Variants in KALRN observed in about 807,000 individuals in gnomAD.
KALRN encodes kalirin RhoGEF kinase.
In KALRN, 70 loss-of-function variants were observed where a neutral mutation model predicts 353.7. The ratio of observed to expected loss-of-function variants is 0.20; its 90% CI spans 0.16 to 0.24. KALRN has a LOEUF of 0.24. KALRN is among the 10% of genes least tolerant of loss of function. The pLI, the probability that KALRN is intolerant of heterozygous loss-of-function variation, is 1.00. For synonymous variants in KALRN, 1,391 were observed against 1,434.8 expected (o/e 0.97, Z 0.69); for missense variants, 2,791 against 3,756.7 (o/e 0.74, Z 6.72).
intron 9 of KALRN, among the ~76,000 whole-genome samples, chr3:124,341,650 G>C (rs941554745): frequency 6.6e-6 from 1 of 152,176 alleles, no homozygotes; most frequent in African/African-American, 2.4e-5. Flanking sequence ...TTCTGCATTA[G>C]AGGGGTCAGT....
chr3:124,631,746 C>G (rs1296406208), intron 34 of KALRN, among the ~76,000 whole-genome samples: 1 of 152,226 alleles, frequency 6.6e-6, no homozygotes, highest in Non-Finnish European at 1.5e-5. Flanking sequence ...CACTCTGGCT[C>G]AGAATCTTCC....
At chr3:124,200,139 A>C (rs919165814) in intron 1 of KALRN, among the ~76,000 whole-genome samples, 1 of 152,178 alleles carries the variant, frequency 6.6e-6, no homozygotes, top group Non-Finnish European at 1.5e-5. Flanking sequence ...TGTAATGAAA[A>C]AAGTACTGGG....
At chr3:124,701,146 C>T (rs1044485244) in intron 56 of KALRN, among the ~76,000 whole-genome samples, 6 of 152,194 alleles carry the variant, frequency 3.9e-5, no homozygotes, top group Non-Finnish European at 5.9e-5. Flanking sequence ...TATTTGTGAA[C>T]CTTGGTCCCC....
intron 11 of KALRN, among the ~76,000 whole-genome samples, chr3:124,387,348 G>C (rs1008707706): frequency 6.6e-6 from 1 of 152,214 alleles, no homozygotes; most frequent in African/African-American, 2.4e-5. Flanking sequence ...GGTGAAGAAA[G>C]AGAAAGAACT....
At chr3:124,119,685 G>A (rs969442150) in intron 1 of KALRN, among the ~76,000 whole-genome samples, 4 of 152,176 alleles carry the variant, frequency 2.6e-5, no homozygotes, top group African/African-American at 7.2e-5. Flanking sequence ...CTAGCATTGT[G>A]TCTGGAATAG....
intron 1 of KALRN, among the ~76,000 whole-genome samples, chr3:124,079,261 A>C (rs1163183707): frequency 6.6e-6 from 1 of 152,196 alleles, no homozygotes; most frequent in East Asian, 1.9e-4. Flanking sequence ...TTGATACCAG[A>C]GAGAGGAGGC....
chr3:124,082,706 G>C (rs1559918288), intron 1 of KALRN, among the ~76,000 whole-genome samples: 1 of 152,192 alleles, frequency 6.6e-6, no homozygotes. Context: ...GTTCAGAGGA[G>C]TTTACAGTGT....
chr3:124,707,731 G>T (rs1254640938), intron 57 of KALRN, among the ~76,000 whole-genome samples: 1 of 152,308 alleles, frequency 6.6e-6, no homozygotes, highest in South Asian at 2.1e-4. Context: ...ATGTGAAACT[G>T]CATGACAATG....
At chr3:124,059,649 CAG>C (rs2041842790) in intron 1 of KALRN, among the ~76,000 whole-genome samples, 1 of 152,234 alleles carries the variant, frequency 6.6e-6, no homozygotes, top group African/African-American at 2.4e-5. Context: ...CACAGCTTCT[CAG>C]AGGCTGGACT....
intron 32 of KALRN, among the ~76,000 whole-genome samples, chr3:124,493,737 AGCAGCAT>A (rs1322920293): frequency 6.6e-6 from 1 of 152,204 alleles, no homozygotes; most frequent in East Asian, 1.9e-4. Context: ...ATGAAGCCGC[AGCAGCAT>A]TGGTCCTGAG....
chr3:124,278,508 G>A (rs1465950797), intron 5 of KALRN, among the ~76,000 whole-genome samples: 1 of 148,524 alleles, frequency 6.7e-6, no homozygotes, highest in Non-Finnish European at 1.5e-5. Flanking sequence ...CAGTAACTGA[G>A]AAAAGTTCAT....
chr3:124,339,703 C>A (rs1285132767), intron 9 of KALRN, among the ~76,000 whole-genome samples: 1 of 152,090 alleles, frequency 6.6e-6, no homozygotes, highest in African/African-American at 2.4e-5. Flanking sequence ...CTTGTAGATG[C>A]CTGATGGCAT....
chr3:124,543,530 T>C (rs2069288068), intron 33 of KALRN, among the ~76,000 whole-genome samples: 1 of 152,120 alleles, frequency 6.6e-6, no homozygotes, highest in South Asian at 2.1e-4. Flanking sequence ...CTCGATCTCC[T>C]GACCTCTTGA....
chr3:124,713,382 G>T (rs866143300), intron 58 of KALRN, among the ~76,000 whole-genome samples: 1 of 152,182 alleles, frequency 6.6e-6, no homozygotes, highest in African/African-American at 2.4e-5. Flanking sequence ...GAGAAGCTGG[G>T]ACTTGAACCC....
intron 1 of KALRN, among the ~76,000 whole-genome samples, chr3:124,129,400 A>G (rs1452383698): frequency 6.6e-6 from 1 of 151,876 alleles, no homozygotes; most frequent in Non-Finnish European, 1.5e-5. Flanking sequence ...AGTGACTCAT[A>G]CTCCAGTTTG....
intron 1 of KALRN, among the ~76,000 whole-genome samples, chr3:124,197,357 C>G (rs2075545102): frequency 6.6e-6 from 1 of 152,300 alleles, no homozygotes; most frequent in East Asian, 1.9e-4. Context: ...CTAATCAAGC[C>G]CTTGCTTCTG....
At chr3:124,055,237 A>G (rs2041418033) in intron 1 of KALRN, among the ~76,000 whole-genome samples, 1 of 152,218 alleles carries the variant, frequency 6.6e-6, no homozygotes, top group African/African-American at 2.4e-5. Context: ...ATTTTCTGTC[A>G]TTCCCATAGA....
intron 34 of KALRN, among the ~76,000 whole-genome samples, chr3:124,597,201 C>T (rs1251786447): frequency 6.6e-6 from 1 of 152,092 alleles, no homozygotes; most frequent in Non-Finnish European, 1.5e-5. Context: ...TGTGTTGATT[C>T]CCAAATATTT....
intron 34 of KALRN, among the ~76,000 whole-genome samples, chr3:124,591,489 A>G (rs1319813419): frequency 6.6e-6 from 1 of 152,160 alleles, no homozygotes; most frequent in African/African-American, 2.4e-5. Context: ...ATCTTTGAAC[A>G]TTGCTTTTTG....
Sources: allele counts gnomAD v4.1 joint callset (sites outside exome capture counted in the v4.1 genomes callset), GRCh38; gene constraint gnomAD v4.1.1; transcripts MANE v1.5; gene names NCBI Gene and HGNC (gene_info 2026-07-23, HGNC 2026-07-21).